AKIRIN1: variants seen among roughly 807,000 people sequenced by gnomAD.
AKIRIN1 encodes akirin 1, also known as akirin-1.
In AKIRIN1, 4 loss-of-function variants were observed where a neutral mutation model predicts 25.9. The ratio of observed to expected loss-of-function variants is 0.15; its 90% CI spans 0.08 to 0.35. The LOEUF (loss-of-function observed/expected upper bound fraction) is 0.35, where lower values mean the gene tolerates loss of function less well. AKIRIN1 is among the 10% of genes least tolerant of loss of function. The probability of loss-of-function intolerance (pLI) is 1.00; values close to 1 mark genes in which losing one functional copy is unlikely to be tolerated. For synonymous variants in AKIRIN1, 125 were observed against 105.1 expected, an observed-to-expected ratio of 1.19 and a Z score of -1.16; for missense variants, 243 against 266.1, an observed-to-expected ratio of 0.91 and a Z score of 0.61.
chr1:38,997,501 A>AT (rs1307523291), intron 1 of AKIRIN1, among the ~76,000 whole-genome samples: 1 of 151,368 alleles, frequency 6.6e-6, no homozygotes, highest in Non-Finnish European at 1.5e-5. Context: ...GTTTATTTTG[A>AT]TTTGTTTTTT....
In AKIRIN1 at chr1:39,001,237, C is replaced by T. The variant is rs973809589; in HGVS notation, c.496+131C>T. The T allele has an allele frequency of 3.2e-5, 31 of 976,704 alleles. No individual in the cohort carries two copies. The East Asian group carries it at 7.3e-4, about 23-fold the overall frequency. 60.5% of individuals were successfully genotyped at this position (976,704 alleles called of 1,614,324 possible). A position where few individuals can be genotyped will look rare whatever the true frequency, so the allele number is the denominator to read the frequency against. ...TATTGAGTTGCGGGTATGGAAGTTA[C>T]TCTTTGGTGATTGTAAACACATCAT... On this transcript the variant is annotated intron_variant, in intron 3 of 4. Transcript: ENST00000432648.
chr1:38,999,919 G>T (rs1444236751), intron 2 of AKIRIN1, among the ~76,000 whole-genome samples: 1 of 151,640 alleles, frequency 6.6e-6, no homozygotes, highest in African/African-American at 2.4e-5. Context: ...GATTTGCTCT[G>T]TCGCCCAGGC....
intron 1 of AKIRIN1, among the ~76,000 whole-genome samples, chr1:38,993,544 T>C (rs1192935367): frequency 2.0e-5 from 3 of 150,252 alleles, no homozygotes; most frequent in Non-Finnish European, 4.4e-5. Context: ...GGCAGGAGAA[T>C]CGTTTGAAGC....
chr1:38,991,740 G>GCCA (rs1248351831), intron 1 of AKIRIN1, 140 bp downstream of exon 1: 1 of 1,002,778 alleles, frequency 1.0e-6, no homozygotes, highest in East Asian at 3.3e-5. Context: ...CTGGGATGCC[G>GCCA]CTGGGCCTGG....
chr1:38,993,081 A>G (rs899063037), intron 1 of AKIRIN1, among the ~76,000 whole-genome samples: 1 of 152,252 alleles, frequency 6.6e-6, no homozygotes, highest in African/African-American at 2.4e-5. Context: ...TTTGGGTCTC[A>G]CTTCTGCAAA....
At chr1:38,998,414 C>G in intron 2 of AKIRIN1, 103 bp downstream of exon 2, 1 of 1,246,024 alleles carries the variant, frequency 8.0e-7, no homozygotes, top group South Asian at 1.8e-5. Context: ...GAATTGCTAA[C>G]GGGGATGTAT....
At position 38,991,450 on chromosome 1, in the gene AKIRIN1, A is replaced by G; in HGVS notation, c.70A>G (p.Lys24Glu). ...EAALLSPGSP[K>E]RRRCAPLPGP... ...GGCGCTGCTGAGCCCCGGCTCCCCG[A>G]AGCGGCGGCGCTGCGCCCCTCTGCC... The change falls in exon 1 of 5, where the codon AAG becomes GAG. Residue 24 changes from lysine (K) to glutamate (E), a missense_variant. Physicochemically the swap from Lys to Glu is moderately conservative, Grantham distance 56. This residue lies in a region of AKIRIN1 where 28 missense variants were observed against 46.4 expected (regional missense o/e 0.60). Coordinates refer to ENST00000432648, the MANE Select transcript of AKIRIN1 (RefSeq NM_024595.3). 7.3e-7 allele frequency: 1 copy of G among 1,375,734 alleles called. No homozygotes were observed. Among genetic ancestry groups the G allele is most frequent in the Admixed American group, 3.6e-5 (1 of 27,930 alleles). The allele number at this position is 1,375,734 out of a possible 1,614,324, so 85.2% of individuals were successfully genotyped here.
intron 2 of AKIRIN1, 152 bp downstream of exon 2, chr1:38,998,463 A>G (rs1267199763): frequency 1.1e-6 from 1 of 939,184 alleles, no homozygotes; most frequent in Non-Finnish European, 1.5e-6. Context: ...ACAGTCATGA[A>G]ATTGGAAGAA....
chr1:39,001,161 C>CTT, intron 3 of AKIRIN1, 55 bp downstream of exon 3: 1 of 1,543,568 alleles, frequency 6.5e-7, no homozygotes, highest in Non-Finnish European at 8.7e-7. Flanking sequence ...TAAAAATTAA[C>CTT]ACCAGTTAAA....
intron 1 of AKIRIN1, among the ~76,000 whole-genome samples, chr1:38,993,345 C>A (rs1643923129): frequency 6.6e-6 from 1 of 151,626 alleles, no homozygotes; most frequent in Non-Finnish European, 1.5e-5. Context: ...CCGAGACCAT[C>A]CTGGCCAACA....
rs898714386 is a variant in AKIRIN1 at position 39,004,383 on chromosome 1, G to A, written c.*328G>A. 9 of 497,014 alleles carry A rather than the reference G, an allele frequency of 1.8e-5. No individual in the cohort carries two copies. The highest frequency in any genetic ancestry group is 3.3e-5 in the Non-Finnish European group (9 of 271,782). 30.8% of individuals were successfully genotyped at this position (497,014 alleles called of 1,614,324 possible). On this transcript the variant is annotated 3_prime_UTR_variant, in exon 5 of 5. Transcript: ENST00000432648. ...TTCCCCAAGCACAGTTCTGTAAGAAGTGCGTGTGAGAGTGTGTGTATATGT... is the reference window on the plus strand; with the variant it reads ...TTCCCCAAGCACAGTTCTGTAAGAAATGCGTGTGAGAGTGTGTGTATATGT...
chr1:38,991,429 C>T lies in AKIRIN1; in HGVS notation c.49C>T (p.Leu17=). 1 of 1,365,012 alleles carries T rather than the reference C, an allele frequency of 7.3e-7. No homozygotes were observed. Among genetic ancestry groups the T allele is most frequent in the Non-Finnish European group, 9.4e-7 (1 of 1,063,174 alleles). The allele number at this position is 1,365,012 out of a possible 1,614,324, so 84.6% of individuals were successfully genotyped here. ...LKRPMEFEAA[L]LSPGSPKRRR... ...GCGGCCCATGGAGTTCGAGGCGGCGCTGCTGAGCCCCGGCTCCCCGAAGCG... is the reference window on the plus strand; with the variant it reads ...GCGGCCCATGGAGTTCGAGGCGGCGTTGCTGAGCCCCGGCTCCCCGAAGCG... Residue 17 remains leucine (L), a synonymous_variant, in exon 1 of 5, where the codon CTG becomes TTG. Transcript: ENST00000432648.
chr1:38,992,755 T>C (rs989116616), intron 1 of AKIRIN1, among the ~76,000 whole-genome samples: 1 of 152,182 alleles, frequency 6.6e-6, no homozygotes, highest in African/African-American at 2.4e-5. Flanking sequence ...CACATTTTTT[T>C]CAAACTGTGC....
intron 1 of AKIRIN1, among the ~76,000 whole-genome samples, chr1:38,996,827 C>T (rs1319892730): frequency 6.6e-6 from 1 of 152,236 alleles, no homozygotes; most frequent in Non-Finnish European, 1.5e-5. Context: ...CCATACCCAG[C>T]TGGCCCATAA....
At chr1:39,003,305 AG>A (rs1331557720) in intron 3 of AKIRIN1, 41 bp from the exon 4 acceptor site, 1 of 1,576,422 alleles carries the variant, frequency 6.3e-7, no homozygotes, top group Non-Finnish European at 8.7e-7. Flanking sequence ...TTAAAAATTG[AG>A]GGAGAGTTGC....
chr1:39,003,995 TAC>T, intron 4 of AKIRIN1, 48 bp from the exon 5 acceptor site: 4 of 1,542,696 alleles, frequency 2.6e-6, no homozygotes, highest in Non-Finnish European at 3.6e-6. Context: ...AGCATGACAC[TAC>T]AGTTTTTAGT....
At position 39,003,592 on chromosome 1, in the gene AKIRIN1, G is replaced by A. The variant is rs74494482; in HGVS notation, c.568+174G>A. 4.9e-3 allele frequency among the ~76,000 whole-genome samples: 742 copies of A among 152,222 alleles called. 22 individuals are homozygous for A. The East Asian group carries it at 0.066, about 13-fold the overall frequency. On this transcript the variant is annotated intron_variant, in intron 4 of 4. Coordinates refer to ENST00000432648, the MANE Select transcript of AKIRIN1 (RefSeq NM_024595.3). ...ATAAGCCTCACAGTGACCCTATGAG[G>A]GAGTACTATTATTAGCTCCATTTTA...
chr1:39,002,224 G>A (rs534664315), intron 3 of AKIRIN1, among the ~76,000 whole-genome samples: 159 of 152,246 alleles, frequency 1.0e-3, no homozygotes, highest in African/African-American at 3.7e-3. Flanking sequence ...AAATTTATGG[G>A]CAGCTTTCAT....
At chr1:38,995,533 ATG>A (rs1295203644) in intron 1 of AKIRIN1, among the ~76,000 whole-genome samples, 2 of 152,200 alleles carry the variant, frequency 1.3e-5, no homozygotes, top group East Asian at 3.8e-4. Context: ...TTTTTCTCCC[ATG>A]GATACCGTGT....
Sources: gnomAD v4.1 joint callset for allele counts (sites outside exome capture counted in the v4.1 genomes callset) on GRCh38, gnomAD v4.1.1 for gene constraint, gnomAD v4.1.1 regional missense constraint, MANE v1.5 for transcripts, NCBI Gene and HGNC (gene_info 2026-07-23, HGNC 2026-07-21) for gene names.